Variants in TBX4 observed in about 807,000 individuals in gnomAD.
The protein encoded by TBX4 is T-box transcription factor TBX4.
Under a neutral mutation model 54.6 loss-of-function variants are expected in TBX4, and 13 were observed. That is an observed-to-expected ratio of 0.24 (90% CI 0.15 to 0.38). The LOEUF is 0.38. TBX4 is among the 10% of genes least tolerant of loss of function. The pLI, the probability that TBX4 is intolerant of heterozygous loss-of-function variation, is 1.00. For synonymous variants in TBX4, 314 were observed against 306.7 expected (o/e 1.02, Z -0.25); for missense variants, 631 against 728.5 (o/e 0.87, Z 1.54).
chr17:61,457,641 G>C lies in TBX4; in HGVS notation c.281+10G>C, dbSNP rs770245211. The stretch of plus-strand genomic sequence containing the variant: ...TCACTAAGGCTGGCAGGTCAGCGCT[G>C]GGAGATTTACTTCCGGGGATGGCGG... On this transcript the variant is annotated intron_variant, in intron 3 of 8. Transcript: ENST00000644296. This position sits in a 1 kb window ranked among gnomAD's most constrained non-coding sequence, Gnocchi z 8.2. 3 of 1,613,430 alleles carry C rather than the reference G, an allele frequency of 1.9e-6. No homozygotes were observed. The highest frequency in any genetic ancestry group is 4.5e-5 in the East Asian group (2 of 44,828).
Position 61,478,908 on chromosome 17 carries a change from C to T in TBX4, c.702+129C>T. The T allele has an allele frequency of 6.9e-7, 1 of 1,454,196 alleles. No individual in the cohort carries two copies. Among genetic ancestry groups the T allele is most frequent in the Middle Eastern group, 2.0e-4 (1 of 4,996 alleles). The allele number at this position is 1,454,196 out of a possible 1,614,324, so 90.1% of individuals were successfully genotyped here. On this transcript the variant is annotated intron_variant, in intron 6 of 8. Transcript: ENST00000644296. This position sits in a 1 kb window ranked among gnomAD's most constrained non-coding sequence, Gnocchi z 7.4. ...TTGGGCAGGCCCAGTGCAGGGACCT[C>T]AGAAGCCTAGAGTCCCTCGGAGCCG...
intron 4 of TBX4, 115 bp downstream of exon 4, chr17:61,466,053 C>A: frequency 6.6e-7 from 1 of 1,520,304 alleles, no homozygotes; most frequent in Non-Finnish European, 9.0e-7. Context: ...CCCAGGTCTG[C>A]AGGCTGGAGT....
intron 4 of TBX4, among the ~76,000 whole-genome samples, chr17:61,466,752 G>C (rs145923509): frequency 6.6e-6 from 1 of 152,226 alleles, no homozygotes; most frequent in Non-Finnish European, 1.5e-5. Context: ...CTCTGGCTGC[G>C]GGGAGAGCTA....
chr17:61,477,880 G>A (rs1366292532), intron 5 of TBX4, among the ~76,000 whole-genome samples: 1 of 147,048 alleles, frequency 6.8e-6, no homozygotes, highest in Non-Finnish European at 1.5e-5. Flanking sequence ...AGTAGAGGTT[G>A]CAGTGAGCCA....
chr17:61,480,288 A>C lies in TBX4; in HGVS notation c.990A>C (p.Ser330=), dbSNP rs1192518545. Residue 330 remains serine (S), a synonymous_variant, in exon 8 of 9, where the codon TCA becomes TCC. Transcript: ENST00000644296. This position sits in a 1 kb window ranked among gnomAD's most constrained non-coding sequence, Gnocchi z 6.2. ...GCACCTTTCCCACCCAGAGGGACTC[A>C]AGCCTCTTCTATCACTGCCTGAAAA... The part of the protein sequence containing the change: ...PLSTFPTQRD[S]SLFYHCLKRR... The C allele has an allele frequency of 6.2e-7, 1 of 1,613,906 alleles. No individual in the cohort carries two copies. Among genetic ancestry groups the C allele is most frequent in the South Asian group, 1.1e-5 (1 of 91,074 alleles).
intron 4 of TBX4, among the ~76,000 whole-genome samples, chr17:61,466,911 C>T (rs2060541225): frequency 6.6e-6 from 1 of 152,106 alleles, no homozygotes; most frequent in Non-Finnish European, 1.5e-5. Context: ...ATCCCAGCTA[C>T]TCTGGAGGCA....
chr17:61,454,632 C>T (rs769073367), intron 1 of TBX4, among the ~76,000 whole-genome samples: 1 of 152,250 alleles, frequency 6.6e-6, no homozygotes, highest in African/African-American at 2.4e-5. Context: ...ACCCTGAGCC[C>T]GGGAGGGAGA....
rs181750228 is a variant in TBX4, at chr17:61,455,117, C to A, written c.-3-1371C>A. On this transcript the variant is annotated intron_variant, in intron 1 of 8. Coordinates refer to ENST00000644296, the MANE Select transcript of TBX4 (RefSeq NM_001321120.2). ...TGTGGCCGAAGACTGGTCCGCCTGT[C>A]AACCTTATCTTTATGGGTTTTTCCC... is the stretch of plus-strand genomic sequence containing the variant. Among the ~76,000 whole-genome samples, 432 of 152,354 alleles carry A rather than the reference C, an allele frequency of 2.8e-3. 1 individual carries two copies. Among genetic ancestry groups the A allele is most frequent in the African/African-American group, 9.8e-3 (409 of 41,586 alleles).
chr17:61,470,683 A>ATGGGGC (rs1250954716), intron 5 of TBX4, among the ~76,000 whole-genome samples: 3 of 152,226 alleles, frequency 2.0e-5, no homozygotes, highest in African/African-American at 7.2e-5. Flanking sequence ...AGAAAGGACC[A>ATGGGGC]AGGGGCTGGG....
intron 5 of TBX4, among the ~76,000 whole-genome samples, chr17:61,471,827 T>G (rs924378914): frequency 6.0e-5 from 9 of 150,872 alleles, no homozygotes; most frequent in South Asian, 2.1e-4. Flanking sequence ...CCGGGTTCAA[T>G]CAATTCTCCT....
chr17:61,463,819 A>G (rs1483685535), intron 3 of TBX4, among the ~76,000 whole-genome samples: 2 of 152,178 alleles, frequency 1.3e-5, no homozygotes, highest in Non-Finnish European at 2.9e-5. Context: ...TGTGGCAGTT[A>G]CAAAATGGTG....
rs2060688840 is a variant in TBX4 at position 61,484,449 on chromosome 17, G to A, written c.*933G>A. On this transcript the variant is annotated 3_prime_UTR_variant, in exon 9 of 9. Coordinates refer to ENST00000644296, the MANE Select transcript of TBX4 (RefSeq NM_001321120.2). The surrounding 1 kb of genome is among the most constrained non-coding windows in gnomAD (Gnocchi z 4.1). ...GGCATCATCCCCAGGAGGCCACACT[G>A]GAGCTGATGTCTGGCATCTCCAGGG... The A allele has an allele frequency of 6.6e-6, 1 of 152,122 alleles. No individual in the cohort carries two copies. Among genetic ancestry groups the A allele is most frequent in the Non-Finnish European group, 1.5e-5 (1 of 68,012 alleles). 9.4% of individuals were successfully genotyped at this position (152,122 alleles called of 1,614,324 possible).
At position 61,457,728 on chromosome 17, in the gene TBX4, T is replaced by TCCCACAGGCCACCA; in HGVS notation, c.281+97_281+98insCCCACAGGCCACCA. 1 of 1,196,298 alleles carries TCCCACAGGCCACCA rather than the reference T, an allele frequency of 8.4e-7. No homozygotes were observed. Among genetic ancestry groups the TCCCACAGGCCACCA allele is most frequent in the Non-Finnish European group, 1.2e-6 (1 of 825,298 alleles). 74.1% of individuals were successfully genotyped at this position (1,196,298 alleles called of 1,614,324 possible). On this transcript the variant is annotated intron_variant, in intron 3 of 8. Coordinates refer to ENST00000644296, the MANE Select transcript of TBX4 (RefSeq NM_001321120.2). This position sits in a 1 kb window ranked among gnomAD's most constrained non-coding sequence, Gnocchi z 8.2. ...TCCTCTCGGCCCCGGCCTGGTGGCC[T>TCCCACAGGCCACCA]GTGGGAGGCCTCTCTGCCTCCTCGG...
chr17:61,477,953 A>G (rs1027027844), intron 5 of TBX4, among the ~76,000 whole-genome samples: 7 of 151,734 alleles, frequency 4.6e-5, no homozygotes, highest in African/African-American at 1.7e-4. Flanking sequence ...AAAAAAAAAA[A>G]AAAAAAGAAA....
intron 1 of TBX4, among the ~76,000 whole-genome samples, chr17:61,455,122 T>C (rs1449913883): frequency 6.6e-6 from 1 of 152,172 alleles, no homozygotes; most frequent in Non-Finnish European, 1.5e-5. Context: ...CCTGTCAACC[T>C]TATCTTTATG....
intron 5 of TBX4, among the ~76,000 whole-genome samples, chr17:61,470,068 A>T (rs1260111670): frequency 6.6e-6 from 1 of 151,890 alleles, no homozygotes; most frequent in East Asian, 1.9e-4. Context: ...CTCACCCCCA[A>T]CTCCTGCCCA....
In TBX4 at chr17:61,476,443, C is replaced by T. The variant is rs1603254183; in HGVS notation, c.550-2184C>T. 6.6e-6 allele frequency among the ~76,000 whole-genome samples: 1 copy of T among 152,226 alleles called. No individual in the cohort carries two copies. The highest frequency in any genetic ancestry group is 2.4e-5 in the African/African-American group (1 of 41,460). On this transcript the variant is annotated intron_variant, in intron 5 of 8. Transcript: ENST00000644296. This position sits in a 1 kb window ranked among gnomAD's most constrained non-coding sequence, Gnocchi z 6.5. ...CCTCCCAGGTATTCCATTGCTGGAT[C>T]TTCCGGGAACGTGGGTCCTTTGTGG...
chr17:61,463,709 G>T (rs2060514688), intron 3 of TBX4, among the ~76,000 whole-genome samples: 1 of 152,250 alleles, frequency 6.6e-6, no homozygotes, highest in Admixed American at 6.5e-5. Context: ...GCCCTCTGCT[G>T]TTGCCACCTG....
chr17:61,466,264 A>G (rs568713206), intron 4 of TBX4, among the ~76,000 whole-genome samples: 37 of 152,288 alleles, frequency 2.4e-4, no homozygotes, highest in African/African-American at 8.9e-4. Context: ...AATCATTAAC[A>G]CTGGCCAGAT....
Sources: gnomAD v4.1 joint callset for allele counts (sites outside exome capture counted in the v4.1 genomes callset) on GRCh38, gnomAD v4.1.1 for gene constraint, Gnocchi (gnomAD v3.1) non-coding constraint, MANE v1.5 for transcripts, NCBI Gene and HGNC (gene_info 2026-07-23, HGNC 2026-07-21) for gene names.